Variants in SLC25A14 observed in about 807,000 individuals in gnomAD.
The protein encoded by SLC25A14 is solute carrier family 25 member 14.
A neutral mutation model predicts 28.1 loss-of-function variants in SLC25A14; 8 were observed. That is an observed-to-expected ratio of 0.28 (90% CI 0.17 to 0.51). SLC25A14 has a LOEUF of 0.51. SLC25A14 is among the 20% of genes least tolerant of loss of function. The probability of loss-of-function intolerance (pLI) is 0.97; values close to 1 mark genes in which losing one functional copy is unlikely to be tolerated. For synonymous variants in SLC25A14, 74 were observed against 90.6 expected (o/e 0.82, Z 1.04); for missense variants, 135 against 263.8 (o/e 0.51, Z 3.38).
intron 6 of SLC25A14, among the ~76,000 whole-genome samples, chrX:130,355,554 G>A (rs902106586): frequency 1.8e-5 from 2 of 111,251 alleles, no homozygotes; most frequent in Admixed American, 1.9e-4. Context: ...CATATACTTC[G>A]ATGTGCATCT....
At chrX:130,357,022 G>A (rs1339535429) in intron 6 of SLC25A14, among the ~76,000 whole-genome samples, 1 of 111,628 alleles carries the variant, frequency 9.0e-6, no homozygotes, top group African/African-American at 3.3e-5. Flanking sequence ...CTTTGTGCAC[G>A]TAACACTTTC....
rs185953166 is a variant in SLC25A14 at position 130,368,706 on chromosome X, T to C, written c.856-2858T>C. Reference sequence around the variant, plus strand: ...TAACTCTCACAGCGACCTTGTGGAGTAGATATTATCTTTCCCATTTTATAA... The same window carrying C: ...TAACTCTCACAGCGACCTTGTGGAGCAGATATTATCTTTCCCATTTTATAA... On this transcript the variant is annotated intron_variant, in intron 9 of 10. Transcript: ENST00000545805. Among the ~76,000 whole-genome samples, 33 of 111,872 alleles carry C rather than the reference T, an allele frequency of 2.9e-4. No homozygotes were observed. In the East Asian group the frequency reaches 8.4e-3, roughly 29 times the overall value.
At chrX:130,352,670 G>A (rs1160760820) in intron 6 of SLC25A14, among the ~76,000 whole-genome samples, 1 of 112,316 alleles carries the variant, frequency 8.9e-6, no homozygotes, top group Non-Finnish European at 1.9e-5. Context: ...GATGATTAGT[G>A]ATATTGTGCA....
chrX:130,340,217 T>G lies in SLC25A14; in HGVS notation c.-62T>G. The G allele has an allele frequency of 8.3e-7, 1 of 1,204,581 alleles. No individual in the cohort carries two copies. The highest frequency in any genetic ancestry group is 1.1e-6 in the Non-Finnish European group (1 of 892,162). ...GGCCGCCTTCTTCAGGCGCCTCCCT[T>G]CTCTCCACGAGCTCGCTCTGACAGC... On this transcript the variant is annotated 5_prime_UTR_variant, in exon 2 of 11. Transcript: ENST00000545805.
chrX:130,360,856 T>G (rs1468827106), intron 7 of SLC25A14, among the ~76,000 whole-genome samples: 1 of 111,823 alleles, frequency 8.9e-6, no homozygotes, highest in East Asian at 2.8e-4. Flanking sequence ...ATTAAGTACA[T>G]TCACATTGTT....
At chrX:130,349,178 C>T in intron 4 of SLC25A14, 73 bp from the exon 5 acceptor site, 3 of 549,193 alleles carry the variant, frequency 5.5e-6, no homozygotes, top group East Asian at 4.8e-5. Flanking sequence ...ATGGGTAGTC[C>T]AAATAAGTAG....
At chrX:130,349,147 G>T in intron 4 of SLC25A14, 104 bp from the exon 5 acceptor site, 2 of 351,625 alleles carry the variant, frequency 5.7e-6, no homozygotes, top group Non-Finnish European at 9.9e-6. Flanking sequence ...ATCATATTCT[G>T]CTGTTGTTGG....
intron 7 of SLC25A14, among the ~76,000 whole-genome samples, chrX:130,364,349 A>G (rs1399343087): frequency 9.1e-6 from 1 of 110,301 alleles, no homozygotes; most frequent in African/African-American, 3.3e-5. Flanking sequence ...GTGTCTTTTG[A>G]GTCATAAAAG....
intron 6 of SLC25A14, among the ~76,000 whole-genome samples, chrX:130,356,472 G>A (rs2033797253): frequency 9.1e-6 from 1 of 110,295 alleles, no homozygotes; most frequent in Non-Finnish European, 1.9e-5. Context: ...CAGGTGATCC[G>A]CCCACCTCGG....
In SLC25A14 at chrX:130,356,106, T is replaced by C. The variant is rs770982033; in HGVS notation, c.499-2534T>C. ...ATCCTTCATCTAATGGTTTCATCCATTGGTGGCCATTACCTGAATTGATTG... is the reference window on the plus strand; with the variant it reads ...ATCCTTCATCTAATGGTTTCATCCACTGGTGGCCATTACCTGAATTGATTG... On this transcript the variant is annotated intron_variant, in intron 6 of 10. Transcript: ENST00000545805. 1.6e-4 allele frequency among the ~76,000 whole-genome samples: 18 copies of C among 111,463 alleles called. 1 individual carries two copies. In the South Asian group the frequency reaches 6.4e-3, roughly 40 times the overall value.
intron 6 of SLC25A14, among the ~76,000 whole-genome samples, chrX:130,351,769 G>A (rs906282228): frequency 1.8e-5 from 2 of 111,219 alleles, no homozygotes; most frequent in African/African-American, 6.5e-5. Flanking sequence ...TCAGAGAGGG[G>A]TTTGAGAACA....
chrX:130,369,189 C>T (rs751920039), intron 9 of SLC25A14, among the ~76,000 whole-genome samples: 4 of 110,821 alleles, frequency 3.6e-5, no homozygotes, highest in South Asian at 7.8e-4. Context: ...CTTAGCTACT[C>T]GGGAGGATCG....
At chrX:130,353,296 C>G (rs1489088712) in intron 6 of SLC25A14, among the ~76,000 whole-genome samples, 1 of 111,960 alleles carries the variant, frequency 8.9e-6, no homozygotes, top group African/African-American at 3.3e-5. Flanking sequence ...CCTTATACCT[C>G]TCAATTTCGT....
intron 5 of SLC25A14, among the ~76,000 whole-genome samples, chrX:130,350,032 T>C (rs764964390): frequency 8.9e-6 from 1 of 111,828 alleles, no homozygotes; most frequent in South Asian, 3.7e-4. Context: ...GTCTTCATGG[T>C]GTGAAGGAGC....
intron 9 of SLC25A14, among the ~76,000 whole-genome samples, chrX:130,367,931 C>T (rs2034159508): frequency 2.7e-5 from 3 of 112,247 alleles, no homozygotes; most frequent in South Asian, 3.7e-4. Context: ...TACAGGTGCC[C>T]GCCACTACGC....
chrX:130,359,408 T>C (rs2033900280), intron 7 of SLC25A14, among the ~76,000 whole-genome samples: 1 of 105,220 alleles, frequency 9.5e-6, no homozygotes, highest in South Asian at 4.3e-4. Context: ...CCTTAAACAA[T>C]TTTTTAACCT....
chrX:130,358,559 A>G (rs2033863827), intron 6 of SLC25A14, 81 bp from the exon 7 acceptor site: 1 of 610,650 alleles, frequency 1.6e-6, no homozygotes, highest in Non-Finnish European at 2.6e-6. Context: ...TGAATTTAAA[A>G]TGAATTTAAA....
intron 8 of SLC25A14, chrX:130,365,225 G>C: frequency 4.8e-6 from 4 of 826,630 alleles, no homozygotes; most frequent in Non-Finnish European, 5.8e-6. Flanking sequence ...AATGCATTTG[G>C]CATGTGATGC....
At chrX:130,362,932 C>A (rs1249414695) in intron 7 of SLC25A14, among the ~76,000 whole-genome samples, 1 of 112,205 alleles carries the variant, frequency 8.9e-6, no homozygotes, top group Non-Finnish European at 1.9e-5. Flanking sequence ...TCTGAAAATT[C>A]TGTGAATTAA....
Sources: allele counts gnomAD v4.1 joint callset (sites outside exome capture counted in the v4.1 genomes callset), GRCh38; gene constraint gnomAD v4.1.1; transcripts MANE v1.5; gene names NCBI Gene and HGNC (gene_info 2026-07-23, HGNC 2026-07-21).